The following ZNF516 variants were observed in gnomAD, a reference collection of about 807,000 sequenced individuals.
ZNF516 encodes zinc finger protein 516.
In ZNF516, 19 loss-of-function variants were observed where a neutral mutation model predicts 79.7. The observed-to-expected ratio is 0.24, with a 90% CI of 0.17 to 0.35. The LOEUF is 0.35. ZNF516 is among the 10% of genes least tolerant of loss of function. The probability of loss-of-function intolerance (pLI) is 1.00; values close to 1 mark genes in which losing one functional copy is unlikely to be tolerated. For missense variants in ZNF516, 1,678 were observed against 1,679.5 expected, an observed-to-expected ratio of 1.00 and a Z score of 0.02; for synonymous variants, 877 against 739.5, an observed-to-expected ratio of 1.19 and a Z score of -3.02.
Position 76,379,937 on chromosome 18 carries a change from A to G in ZNF516, c.2177T>C (p.Leu726Pro), listed in dbSNP as rs755117042. 3 of 1,613,962 alleles carry G rather than the reference A, an allele frequency of 1.9e-6. No homozygotes were observed. Among genetic ancestry groups the G allele is most frequent in the Non-Finnish European group, 2.5e-6 (3 of 1,179,896 alleles). ...KEHSGGGKRA[L>P]APDLMPLDLS... is the part of the protein sequence containing the mutation. ...ATCTAGCGGCATGAGGTCTGGGGCC[A>G]GCGCCCGCTTCCCTCCCCCAGAGTG... The change falls in exon 4 of 7, where the codon CTG becomes CCG. Residue 726 changes from leucine to proline, a missense_variant. Physicochemically the swap from Leu to Pro is moderately conservative, Grantham distance 98 (BLOSUM62 -3). Around this residue, in one of 5 missense-constraint regions of ZNF516, gnomAD observed 1,294 missense variants for 1,248.3 expected, o/e 1.04. Coordinates refer to ENST00000443185, the MANE Select transcript of ZNF516 (RefSeq NM_014643.4).
chr18:76,392,700 T>G (rs1599172180), intron 3 of ZNF516, among the ~76,000 whole-genome samples: 1 of 26,528 alleles, frequency 3.8e-5, no homozygotes, highest in Non-Finnish European at 6.6e-5. Context: ...GGTGACCAGG[T>G]GGGGGAAAGG....
chr18:76,371,890 C>T (rs1464133476), intron 4 of ZNF516, among the ~76,000 whole-genome samples: 1 of 152,224 alleles, frequency 6.6e-6, no homozygotes, highest in Non-Finnish European at 1.5e-5. Flanking sequence ...AGCCATCACC[C>T]GGCTCTGTCA....
chr18:76,476,785 G>A (rs1157008000), intron 1 of ZNF516, among the ~76,000 whole-genome samples: 8 of 152,212 alleles, frequency 5.3e-5, no homozygotes, highest in South Asian at 2.1e-4. Context: ...TAGGTGAACC[G>A]TAGGCAACTG....
intron 3 of ZNF516, among the ~76,000 whole-genome samples, chr18:76,437,859 A>T (rs2075764365): frequency 1.3e-5 from 2 of 152,348 alleles, no homozygotes; most frequent in East Asian, 1.9e-4. Flanking sequence ...GAATCCAAAG[A>T]TGTGGAATCC....
At chr18:76,490,302 G>A in intron 1 of ZNF516, 1 of 556,430 alleles carries the variant, frequency 1.8e-6, no homozygotes, top group Non-Finnish European at 2.3e-6. Context: ...GGGGCGAGGG[G>A]TTCTCAGACC....
upstream of ZNF516, chr18:76,496,221 T>C: frequency 2.4e-6 from 3 of 1,229,672 alleles, no homozygotes; most frequent in Non-Finnish European, 3.1e-6. Flanking sequence ...TCACGGCCGG[T>C]GACGTAGACC....
At chr18:76,492,290 C>CCACA in intron 1 of ZNF516, 9 of 985,470 alleles carry the variant, frequency 9.1e-6, no homozygotes, top group Non-Finnish European at 1.1e-5. Flanking sequence ...ACTACGCGAG[C>CCACA]CACACACATC....
intron 3 of ZNF516, among the ~76,000 whole-genome samples, chr18:76,429,852 G>A (rs531492951): frequency 3.1e-4 from 47 of 152,312 alleles, no homozygotes; most frequent in African/African-American, 1.1e-3. Flanking sequence ...CGGCTACCAG[G>A]CTGTTCTGCA....
chr18:76,392,485 A>AG (rs780105415), intron 3 of ZNF516, among the ~76,000 whole-genome samples: 6 of 148,120 alleles, frequency 4.1e-5, no homozygotes, highest in Non-Finnish European at 9.0e-5. Flanking sequence ...GGAAAGCAGG[A>AG]GGCCAGCTGG....
intron 6 of ZNF516, among the ~76,000 whole-genome samples, chr18:76,365,622 C>T (rs1049434811): frequency 5.9e-5 from 9 of 152,212 alleles, no homozygotes; most frequent in African/African-American, 2.2e-4. Flanking sequence ...CATGCATGAG[C>T]TCTTTCCCTC....
chr18:76,407,554 G>A (rs1417496618), intron 3 of ZNF516, among the ~76,000 whole-genome samples: 1 of 152,132 alleles, frequency 6.6e-6, no homozygotes, highest in Non-Finnish European at 1.5e-5. Context: ...CAGCCTTCCT[G>A]GCACAGACAA....
intron 3 of ZNF516, among the ~76,000 whole-genome samples, chr18:76,384,976 C>CCTGG (rs2074962610): frequency 6.6e-6 from 1 of 152,368 alleles, no homozygotes; most frequent in East Asian, 1.9e-4. Context: ...CTCAGAAAGG[C>CCTGG]CTGGCAGCGG....
intron 3 of ZNF516, among the ~76,000 whole-genome samples, chr18:76,415,129 T>C (rs981536734): frequency 6.6e-6 from 1 of 151,588 alleles, no homozygotes; most frequent in African/African-American, 2.4e-5. Flanking sequence ...ACCCAAGAAG[T>C]GAAGGTTGCA....
upstream of ZNF516, chr18:76,495,641 T>G (rs1915451992): frequency 1.1e-6 from 1 of 935,832 alleles, no homozygotes; most frequent in Middle Eastern, 3.6e-4. Flanking sequence ...CTAAGGCTGC[T>G]GCAGCCCCGG....
chr18:76,411,245 G>A (rs180707158), intron 3 of ZNF516, among the ~76,000 whole-genome samples: 27 of 152,282 alleles, frequency 1.8e-4, no homozygotes, highest in Non-Finnish European at 3.5e-4. Context: ...TGTCATTCTG[G>A]ATGAAATGGG....
At chr18:76,401,403 C>A (rs533076846) in intron 3 of ZNF516, among the ~76,000 whole-genome samples, 15 of 152,154 alleles carry the variant, frequency 9.9e-5, no homozygotes, top group Non-Finnish European at 1.9e-4. Flanking sequence ...AAAATAATAT[C>A]TCTGCAACTG....
At chr18:76,494,286 G>T (rs1004171180) in intron 1 of ZNF516, among the ~76,000 whole-genome samples, 2 of 152,114 alleles carry the variant, frequency 1.3e-5, no homozygotes, top group Admixed American at 1.3e-4. Context: ...AATGGCAGCG[G>T]AGGCGCCTCC....
intron 2 of ZNF516, among the ~76,000 whole-genome samples, chr18:76,460,802 G>A (rs993842435): frequency 6.6e-6 from 1 of 152,200 alleles, no homozygotes; most frequent in African/African-American, 2.4e-5. Context: ...CCAAACCGGA[G>A]AAGCCATGCC....
intron 5 of ZNF516, among the ~76,000 whole-genome samples, chr18:76,371,020 C>T (rs980011878): frequency 6.6e-6 from 1 of 152,190 alleles, no homozygotes; most frequent in Admixed American, 6.5e-5. Context: ...AAGCTCTCTA[C>T]ATAAGGGCTG....
Sources: gnomAD v4.1 joint callset for allele counts (sites outside exome capture counted in the v4.1 genomes callset) on GRCh38, gnomAD v4.1.1 for gene constraint, gnomAD v4.1.1 regional missense constraint, MANE v1.5 for transcripts, NCBI Gene and HGNC (gene_info 2026-07-23, HGNC 2026-07-21) for gene names.